The following HSPG2 variants were observed in gnomAD, a reference collection of about 807,000 sequenced individuals.
HSPG2 encodes heparan sulfate proteoglycan 2.
In HSPG2, 278 loss-of-function variants were observed where a neutral mutation model predicts 526.6. The ratio of observed to expected loss-of-function variants is 0.53; its 90% CI spans 0.48 to 0.58. The LOEUF (loss-of-function observed/expected upper bound fraction) is 0.58, where lower values mean the gene tolerates loss of function less well. HSPG2 is among the 20% of genes least tolerant of loss of function. The pLI is 0.00. For synonymous variants in HSPG2, 2,465 were observed against 2,555.4 expected (o/e 0.96, Z 1.07); for missense variants, 5,354 against 6,099.5 (o/e 0.88, Z 4.07).
At chr1:21,937,132 G>A in intron 1 of HSPG2, 23 bp downstream of exon 1, 2 of 41,568 alleles carry the variant, frequency 4.8e-5, no homozygotes, top group Non-Finnish European at 8.0e-5. Flanking sequence ...CCCGCCCCCC[G>A]CCCCTCTGCC....
intron 33 of HSPG2, among the ~76,000 whole-genome samples, chr1:21,871,229 C>T (rs1640619534): frequency 6.7e-6 from 1 of 150,224 alleles, no homozygotes; most frequent in African/African-American, 2.4e-5. Context: ...GTAGCAAAGA[C>T]AGGTTCACCT....
At position 21,822,530 on chromosome 1, in the gene HSPG2, A is replaced by C; in HGVS notation, c.*786T>G. ...CTGTTGGAGGAGTCCCTGGGCCTTC[A>C]CTTCCAGATGGGTGGGGATGTGGCC... On this transcript the variant is annotated 3_prime_UTR_variant, in exon 97 of 97. Transcript: ENST00000374695. The C allele has an allele frequency of 3.3e-6, 1 of 301,498 alleles. No homozygotes were observed. The highest frequency in any genetic ancestry group is 6.4e-6 in the Non-Finnish European group (1 of 155,676). The allele number at this position is 301,498 out of a possible 1,614,324, so 18.7% of individuals were successfully genotyped here.
At chr1:21,873,249 C>T (rs1640795843) in intron 30 of HSPG2, 126 bp downstream of exon 30, 1 of 1,240,496 alleles carries the variant, frequency 8.1e-7, no homozygotes, top group South Asian at 1.2e-5. Flanking sequence ...TTCTCCTATC[C>T]CCATTTTACA....
chr1:21,856,812 G>T (rs1389039301), intron 44 of HSPG2, among the ~76,000 whole-genome samples: 2 of 152,170 alleles, frequency 1.3e-5, no homozygotes, highest in African/African-American at 4.8e-5. Flanking sequence ...CCATGCTTAT[G>T]GTCTCCCTGC....
chr1:21,843,569 C>T (rs996107779), intron 65 of HSPG2, 131 bp from the exon 66 acceptor site: 53 of 906,596 alleles, frequency 5.8e-5, no homozygotes, highest in Non-Finnish European at 8.6e-5. Flanking sequence ...ACCCCTTTGA[C>T]AGTCCGCATT....
Position 21,887,441 on chromosome 1 carries a change from C to A in HSPG2, c.937G>T (p.Gly313Cys). 2.5e-6 allele frequency: 4 copies of A among 1,614,052 alleles called. No individual in the cohort carries two copies. Among genetic ancestry groups the A allele is most frequent in the Non-Finnish European group, 3.4e-6 (4 of 1,179,992 alleles). The change falls in exon 8 of 97, where the codon GGC (glycine) becomes TGC (cysteine). Residue 313 changes from glycine (G) to cysteine (C), a missense_variant. Transcript: ENST00000374695. The surrounding 1 kb of genome is among the most constrained non-coding windows in gnomAD (Gnocchi z 5.0). ...LCDGQEDCED[G>C]SDELDCGPPP... is the part of the protein sequence containing the mutation. The stretch of plus-strand genomic sequence containing the variant: ...GCACCACAGTCTAGCTCATCGCTGC[C>A]GTCCTCGCAGTCCTCCTGTCCGTCG...
Position 21,885,405 on chromosome 1 carries a change from G to A in HSPG2, c.1125C>T (p.Cys375=), listed in dbSNP as rs543805444. ...CTGGGATGCACATGTTGGTAGAGAC[G>A]CATCGGAACTGTGTGGGCCCGCACA... The part of the protein sequence containing the change: ...EEVCGPTQFR[C]VSTNMCIPAS... Residue 375 remains cysteine, a synonymous_variant, in exon 10 of 97, where the codon TGC becomes TGT. Coordinates refer to ENST00000374695, the MANE Select transcript of HSPG2 (RefSeq NM_005529.7). 9.3e-6 allele frequency: 15 copies of A among 1,613,900 alleles called. No individual in the cohort carries two copies. The highest frequency in any genetic ancestry group is 5.5e-5 in the South Asian group (5 of 91,080).
At position 21,887,912 on chromosome 1, in the gene HSPG2, A is replaced by T; in HGVS notation, c.703+26T>A. The T allele has an allele frequency of 6.2e-7, 1 of 1,612,402 alleles. No homozygotes were observed. Among genetic ancestry groups the T allele is most frequent in the African/African-American group, 1.3e-5 (1 of 74,476 alleles). On this transcript the variant is annotated intron_variant, in intron 7 of 96. Coordinates refer to ENST00000374695, the MANE Select transcript of HSPG2 (RefSeq NM_005529.7). The surrounding 1 kb of genome is among the most constrained non-coding windows in gnomAD (Gnocchi z 5.0). ...CTGGCCCTCCCCTGGCACCCAAACCACTCGTGGCCCCGGACATCCCCTCAC... is the reference window on the plus strand; with the variant it reads ...CTGGCCCTCCCCTGGCACCCAAACCTCTCGTGGCCCCGGACATCCCCTCAC...
intron 1 of HSPG2, among the ~76,000 whole-genome samples, chr1:21,914,810 C>T (rs574251037): frequency 3.9e-5 from 6 of 152,334 alleles, no homozygotes; most frequent in African/African-American, 1.4e-4. Context: ...CAGGCCAAAG[C>T]TCCTCCCCGG....
intron 33 of HSPG2, chr1:21,869,737 T>C: frequency 1.0e-6 from 1 of 985,796 alleles, no homozygotes; most frequent in Non-Finnish European, 1.2e-6. Flanking sequence ...AGGCTTCACC[T>C]CCCCACGGGC....
chr1:21,864,779 G>A lies in HSPG2; in HGVS notation c.4626+64C>T, dbSNP rs1046971048. 4.6e-5 allele frequency: 63 copies of A among 1,384,128 alleles called. No individual in the cohort carries two copies. Among genetic ancestry groups the A allele is most frequent in the African/African-American group, 8.6e-5 (6 of 70,102 alleles). 85.7% of individuals were successfully genotyped at this position (1,384,128 alleles called of 1,614,324 possible). A position where few individuals can be genotyped will look rare whatever the true frequency, so the allele number is the denominator to read the frequency against. ...TGGTAATCAAGGCTGCGGCGACGCC[G>A]GCTGATTTGCTTGCTGATGCCTCTG... On this transcript the variant is annotated intron_variant, in intron 36 of 96. Transcript: ENST00000374695. This position sits in a 1 kb window ranked among gnomAD's most constrained non-coding sequence, Gnocchi z 4.8.
intron 33 of HSPG2, among the ~76,000 whole-genome samples, chr1:21,871,628 C>A (rs894257953): frequency 1.6e-4 from 24 of 152,172 alleles, no homozygotes; most frequent in African/African-American, 5.5e-4. Flanking sequence ...AGCTGCGGGG[C>A]TTTGGGTAAG....
chr1:21,843,018 G>C, intron 66 of HSPG2, 97 bp from the exon 67 acceptor site: 2 of 1,409,220 alleles, frequency 1.4e-6, no homozygotes, highest in Admixed American at 3.5e-5. Context: ...GTTGATCCTG[G>C]GGGCGCGGTG....
In HSPG2 at chr1:21,852,990, C is replaced by A. The variant is rs777069767; in HGVS notation, c.6520G>T (p.Val2174Leu). The A allele has an allele frequency of 3.7e-6, 6 of 1,613,738 alleles. No homozygotes were observed. The highest frequency in any genetic ancestry group is 2.5e-6 in the Non-Finnish European group (3 of 1,179,922). The change falls in exon 51 of 97, where the codon GTG (valine) becomes TTG (leucine). Residue 2174 changes from valine to leucine, a missense_variant. By Grantham distance (32) the Val-to-Leu change is conservative. Transcript: ENST00000374695. Reference sequence around the variant, plus strand: ...TGGGCGTGGGCCTGCCCGGGCACCACGCAGTTCAGATCCAGGGTCTGCCCT... The same window carrying A: ...TGGGCGTGGGCCTGCCCGGGCACCAAGCAGTTCAGATCCAGGGTCTGCCCT... ...AEGQTLDLNCVVPGQAHAQVT... is the reference protein window; with the variant it reads ...AEGQTLDLNCLVPGQAHAQVT...
intron 81 of HSPG2, among the ~76,000 whole-genome samples, 195 bp from the exon 82 acceptor site, chr1:21,831,991 C>G (rs1002323055): frequency 1.3e-5 from 2 of 152,120 alleles, no homozygotes; most frequent in African/African-American, 4.8e-5. Flanking sequence ...CTTCTCTCCC[C>G]ACATCCTTTT....
At chr1:21,877,059 C>CAAAAAAAAA (rs3077630) in intron 21 of HSPG2, among the ~76,000 whole-genome samples, 6 of 103,084 alleles carry the variant, frequency 5.8e-5, no homozygotes, top group African/African-American at 1.6e-4. Flanking sequence ...GACTCCATCT[C>CAAAAAAAAA]AAAAAAAAAA....
intron 44 of HSPG2, 42 bp downstream of exon 44, chr1:21,856,973 G>C (rs1292691094): frequency 3.2e-6 from 5 of 1,587,088 alleles, no homozygotes; most frequent in Admixed American, 1.7e-5. Flanking sequence ...GGGAATGGGG[G>C]AGAGACAGGA....
intron 13 of HSPG2, among the ~76,000 whole-genome samples, 161 bp downstream of exon 13, chr1:21,884,367 T>TC (rs1304780014): frequency 6.6e-6 from 1 of 152,072 alleles, no homozygotes; most frequent in Non-Finnish European, 1.5e-5. Context: ...ATCTTGGTTT[T>TC]CCCCCCGAAA....
In HSPG2 at chr1:21,848,225, C is replaced by T. The variant is rs1638605942; in HGVS notation, c.7738-132G>A. 2 of 1,053,918 alleles carry T rather than the reference C, an allele frequency of 1.9e-6. No homozygotes were observed. The highest frequency in any genetic ancestry group is 2.0e-5 in the Admixed American group (1 of 50,076). 65.3% of individuals were successfully genotyped at this position (1,053,918 alleles called of 1,614,324 possible). Reference sequence around the variant, plus strand: ...CCTCCTCAGTGGCCTTCGTGAAGCTCCCAGCATGGCATGTGGCCTGTCTCT... The same window carrying T: ...CCTCCTCAGTGGCCTTCGTGAAGCTTCCAGCATGGCATGTGGCCTGTCTCT... On this transcript the variant is annotated intron_variant, in intron 59 of 96. Transcript: ENST00000374695. The surrounding 1 kb of genome is among the most constrained non-coding windows in gnomAD (Gnocchi z 4.9).
Sources: allele counts gnomAD v4.1 joint callset (sites outside exome capture counted in the v4.1 genomes callset), GRCh38; gene constraint gnomAD v4.1.1; non-coding constraint Gnocchi (gnomAD v3.1); transcripts MANE v1.5; gene names NCBI Gene and HGNC (gene_info 2026-07-23, HGNC 2026-07-21).